The following ADAMTS18 variants were observed in gnomAD, a reference collection of about 807,000 sequenced individuals.
ADAMTS18 encodes ADAM metallopeptidase with thrombospondin type 1 motif 18.
In ADAMTS18, 157 loss-of-function variants were observed where a neutral mutation model predicts 165.9. The observed-to-expected ratio is 0.95, with a 90% CI of 0.83 to 1.08. The LOEUF (loss-of-function observed/expected upper bound fraction) is 1.08. Among genes scored for constraint, ADAMTS18 ranks in the 50% least tolerant of loss-of-function variants. The pLI is 0.00. For synonymous variants in ADAMTS18, 782 were observed against 578.2 expected (o/e 1.35, Z -5.06); for missense variants, 2,040 against 1,534.0 (o/e 1.33, Z -5.51).
At chr16:77,394,734 T>C (rs996808945) in intron 3 of ADAMTS18, among the ~76,000 whole-genome samples, 1 of 152,178 alleles carries the variant, frequency 6.6e-6, no homozygotes, top group Non-Finnish European at 1.5e-5. Context: ...AGGCAATTCT[T>C]ATATTTTTGG....
Position 77,293,155 on chromosome 16 carries a change from G to A in ADAMTS18, c.3110C>T (p.Pro1037Leu). Reference sequence around the variant, plus strand: ...AAGCACACAGCCCTCCTGCAGCTCAGGTCTGGGGAGACTGGTACACTGGCT... The same window carrying A: ...AAGCACACAGCCCTCCTGCAGCTCAAGTCTGGGGAGACTGGTACACTGGCT... ...PESQCTSLPR[P>L]ELQEGCVLGR... Residue 1037 changes from proline (P) to leucine (L), a missense_variant, in exon 20 of 23, where the codon CCT (proline) becomes CTT (leucine). Transcript: ENST00000282849. 6.2e-7 allele frequency: 1 copy of A among 1,613,980 alleles called. No homozygotes were observed. Among genetic ancestry groups the A allele is most frequent in the Non-Finnish European group, 8.5e-7 (1 of 1,179,992 alleles).
chr16:77,317,737 A>G (rs911918343), intron 16 of ADAMTS18, among the ~76,000 whole-genome samples: 1 of 152,214 alleles, frequency 6.6e-6, no homozygotes, highest in African/African-American at 2.4e-5. Context: ...ACTGGGTAAG[A>G]GAAATTCATT....
At chr16:77,365,627 G>C (rs1025733997) in intron 4 of ADAMTS18, among the ~76,000 whole-genome samples, 1 of 152,220 alleles carries the variant, frequency 6.6e-6, no homozygotes, top group South Asian at 2.1e-4. Context: ...AGAAGTGCCT[G>C]CTCGGCCAGA....
At chr16:77,421,424 T>C (rs919376) in intron 3 of ADAMTS18, among the ~76,000 whole-genome samples, 90,291 of 152,122 alleles carry the variant, frequency 0.59, 27,928 homozygotes, top group Middle Eastern at 0.74. Flanking sequence ...TTTTTGGTCA[T>C]GAAAGCCTTA....
chr16:77,366,816 T>A (rs1468480428), intron 4 of ADAMTS18, among the ~76,000 whole-genome samples: 4 of 152,238 alleles, frequency 2.6e-5, no homozygotes, highest in East Asian at 1.9e-4. Context: ...TAATTTGTTA[T>A]CCTGATTACA....
chr16:77,285,038 G>T (rs1166072047), intron 22 of ADAMTS18, among the ~76,000 whole-genome samples: 1 of 152,136 alleles, frequency 6.6e-6, no homozygotes, highest in African/African-American at 2.4e-5. Context: ...TTCTTTAGTT[G>T]TTCAATGAGC....
At chr16:77,320,910 C>A (rs942743020) in intron 15 of ADAMTS18, among the ~76,000 whole-genome samples, 169 bp downstream of exon 15, 6 of 152,100 alleles carry the variant, frequency 3.9e-5, no homozygotes, top group African/African-American at 1.4e-4. Flanking sequence ...AATGTATCGA[C>A]GAAATTCCTC....
At chr16:77,430,169 C>CAAAA (rs939407241) in intron 3 of ADAMTS18, among the ~76,000 whole-genome samples, 1 of 151,750 alleles carries the variant, frequency 6.6e-6, no homozygotes, top group Non-Finnish European at 1.5e-5. Context: ...AACAAACAAA[C>CAAAA]AAACAAAAAA....
chr16:77,426,346 G>GA (rs563929716), intron 3 of ADAMTS18, among the ~76,000 whole-genome samples: 115 of 149,448 alleles, frequency 7.7e-4, no homozygotes, highest in African/African-American at 2.0e-3. Context: ...ATGCTCCTTG[G>GA]AAAAAAAAAA....
In ADAMTS18 at chr16:77,293,107, C is replaced by T. The variant is rs534278374; in HGVS notation, c.3158G>A (p.Arg1053Gln). 2.9e-5 allele frequency: 47 copies of T among 1,613,912 alleles called. No individual in the cohort carries two copies. Among genetic ancestry groups the T allele is most frequent in the Non-Finnish European group, 3.2e-5 (38 of 1,180,000 alleles). Reference sequence around the variant, plus strand: ...CCACGAAGAAGCGACCCACTGTAGCCGGCTGTTCTTGGGGCATCGTCCAAG... The same window carrying T: ...CCACGAAGAAGCGACCCACTGTAGCTGGCTGTTCTTGGGGCATCGTCCAAG... ...CVLGRCPKNS[R>Q]LQWVASSWSE... The change falls in exon 20 of 23, where the codon CGG becomes CAG. Residue 1053 changes from arginine to glutamine, a missense_variant. Arg to Gln is a conservative substitution (Grantham distance 43, BLOSUM62 1). Transcript: ENST00000282849.
At chr16:77,346,422 C>T (rs2056477524) in intron 10 of ADAMTS18, among the ~76,000 whole-genome samples, 1 of 151,834 alleles carries the variant, frequency 6.6e-6, no homozygotes, top group Admixed American at 6.6e-5. Context: ...TTAAAATAGT[C>T]TTCATTTGTA....
chr16:77,377,770 T>A (rs1273739349), intron 3 of ADAMTS18, among the ~76,000 whole-genome samples: 3 of 152,284 alleles, frequency 2.0e-5, no homozygotes, highest in East Asian at 1.9e-4. Context: ...TCTTTAAAAA[T>A]TTTTTTAAAT....
At chr16:77,362,001 T>C in intron 7 of ADAMTS18, 104 bp downstream of exon 7, 1 of 1,281,596 alleles carries the variant, frequency 7.8e-7, no homozygotes, top group Non-Finnish European at 1.1e-6. Context: ...TTAAATATTA[T>C]GTCTGTTTAT....
Position 77,418,381 on chromosome 16 carries a change from G to A in ADAMTS18, c.495+12914C>T, listed in dbSNP as rs534260605. Among the ~76,000 whole-genome samples, 10 of 152,250 alleles carry A rather than the reference G, an allele frequency of 6.6e-5. No homozygotes were observed. The South Asian group carries it at 2.1e-3, about 32-fold the overall frequency. Reference sequence around the variant, plus strand: ...GTAGTTCTCAGCTAGGGACAACTGTGCCCCCAGGAAAGATACTAGGCTATG... The same window carrying A: ...GTAGTTCTCAGCTAGGGACAACTGTACCCCCAGGAAAGATACTAGGCTATG... On this transcript the variant is annotated intron_variant, in intron 3 of 22. Coordinates refer to ENST00000282849, the MANE Select transcript of ADAMTS18 (RefSeq NM_199355.4).
At chr16:77,309,436 G>A (rs142019245) in intron 16 of ADAMTS18, among the ~76,000 whole-genome samples, 1 of 152,256 alleles carries the variant, frequency 6.6e-6, no homozygotes, top group Admixed American at 6.5e-5. Context: ...AATGGGGCCA[G>A]CACTGTATAA....
intron 3 of ADAMTS18, among the ~76,000 whole-genome samples, chr16:77,375,978 A>T (rs1279587482): frequency 7.3e-6 from 1 of 136,152 alleles, no homozygotes; most frequent in East Asian, 2.1e-4. Flanking sequence ...ATCTCGGCTC[A>T]CTGCAACCGC....
chr16:77,354,559 C>A (rs1308583836), intron 9 of ADAMTS18, among the ~76,000 whole-genome samples: 2 of 151,914 alleles, frequency 1.3e-5, no homozygotes, highest in Non-Finnish European at 2.9e-5. Flanking sequence ...AAATGTGGTA[C>A]CACCGAGAAG....
chr16:77,411,608 T>C (rs59735826), intron 3 of ADAMTS18, among the ~76,000 whole-genome samples: 2,031 of 151,686 alleles, frequency 0.013, 54 homozygotes, highest in African/African-American at 0.046. Context: ...AACTTTACCA[T>C]TGAATGGTGA....
chr16:77,418,839 A>C (rs1038531728), intron 3 of ADAMTS18, among the ~76,000 whole-genome samples: 2 of 152,156 alleles, frequency 1.3e-5, no homozygotes, highest in East Asian at 1.9e-4. Context: ...AATTACCACA[A>C]ACTCAGCAGC....
Sources: gnomAD v4.1 joint callset for allele counts (sites outside exome capture counted in the v4.1 genomes callset) on GRCh38, gnomAD v4.1.1 for gene constraint, MANE v1.5 for transcripts, NCBI Gene and HGNC (gene_info 2026-07-23, HGNC 2026-07-21) for gene names.